TAB1: variants seen among roughly 807,000 people sequenced by gnomAD.
TAB1 encodes TGF-beta activated kinase 1 (MAP3K7) binding protein 1.
In TAB1, 30 loss-of-function variants were observed where a neutral mutation model predicts 54.5. The observed-to-expected ratio is 0.55, with a 90% confidence interval of 0.41 to 0.75. TAB1 has a LOEUF of 0.75. TAB1 is among the 30% of genes least tolerant of loss of function. TAB1 has a pLI of 0.00. For missense variants in TAB1, 609 were observed against 683.2 expected, an observed-to-expected ratio of 0.89 and a Z score of 1.21; for synonymous variants, 289 against 286.9, an observed-to-expected ratio of 1.01 and a Z score of -0.07.
At chr22:39,408,384 C>G (rs751889173) in intron 1 of TAB1, among the ~76,000 whole-genome samples, 3 of 152,236 alleles carry the variant, frequency 2.0e-5, no homozygotes, top group African/African-American at 7.2e-5. Context: ...TTGTGAAACG[C>G]TCTCAGATGA....
intron 1 of TAB1, among the ~76,000 whole-genome samples, chr22:39,404,006 C>G (rs1926259250): frequency 6.6e-6 from 1 of 152,104 alleles, no homozygotes; most frequent in Non-Finnish European, 1.5e-5. Context: ...TAAGAGACTC[C>G]TAGAGTCATC....
Position 39,416,781 on chromosome 22 carries a change from G to A in TAB1, c.325-10G>A, listed in dbSNP as rs376402719. 1.7e-4 allele frequency: 275 copies of A among 1,613,932 alleles called. No homozygotes were observed. The highest frequency in any genetic ancestry group is 2.1e-4 in the Non-Finnish European group (253 of 1,179,880). On this transcript the variant is annotated splice_polypyrimidine_tract_variant and intron_variant, in intron 3 of 10. Coordinates refer to ENST00000216160, the MANE Select transcript of TAB1 (RefSeq NM_006116.3). ...TGAACCAGCCTTTGCCCTGTCCTGTGTCCCCCTAGGCCTTCGATGTGGTGG... is the reference window on the plus strand; with the variant it reads ...TGAACCAGCCTTTGCCCTGTCCTGTATCCCCCTAGGCCTTCGATGTGGTGG...
rs374606866 is a variant in TAB1 at position 39,412,549 on chromosome 22, C to T, written c.34-2457C>T. 1.4e-4 allele frequency among the ~76,000 whole-genome samples: 22 copies of T among 152,216 alleles called. No individual in the cohort carries two copies. The East Asian group carries it at 3.9e-3, about 27-fold the overall frequency. ...TTAATGTAAAAATAAAACAAACTCC[C>T]ACACCCTGCAGAAGTTGCTCCAGGG... On this transcript the variant is annotated intron_variant, in intron 1 of 10. Transcript: ENST00000216160.
rs1202364652 is a variant in TAB1 at position 39,417,884 on chromosome 22, G to C, written c.550+35G>C. 1.9e-6 allele frequency: 3 copies of C among 1,572,406 alleles called. No homozygotes were observed. The Admixed American group carries it at 5.6e-5, about 29-fold the overall frequency. On this transcript the variant is annotated intron_variant, in intron 5 of 10. Coordinates refer to ENST00000216160, the MANE Select transcript of TAB1 (RefSeq NM_006116.3). ...CTCCTGTCCCAGGGCAGGGAGGACTGGGGAGAGGTCAGCCACAGGGGTCGG... is the reference window on the plus strand; with the variant it reads ...CTCCTGTCCCAGGGCAGGGAGGACTCGGGAGAGGTCAGCCACAGGGGTCGG...
chr22:39,436,638 C>T, downstream of TAB1: 1 of 1,286,510 alleles, frequency 7.8e-7, no homozygotes, highest in Non-Finnish European at 1.1e-6. Flanking sequence ...GTCGCCTGGT[C>T]TGACTTGTGC....
chr22:39,403,496 C>G (rs1569191821), intron 1 of TAB1, among the ~76,000 whole-genome samples: 1 of 152,124 alleles, frequency 6.6e-6, no homozygotes, highest in Non-Finnish European at 1.5e-5. Context: ...TAGCTGAGGT[C>G]TGAGGGAGCC....
chr22:39,402,924 G>T (rs34188085), intron 1 of TAB1, among the ~76,000 whole-genome samples: 8 of 152,360 alleles, frequency 5.3e-5, no homozygotes, highest in African/African-American at 1.9e-4. Flanking sequence ...AACAGTGTTA[G>T]TCTCATACTG....
rs543790341 is a variant in TAB1, at chr22:39,420,063, G to A, written c.776+433G>A. The stretch of plus-strand genomic sequence containing the variant: ...GATGGACAGACCAGGCCTGTTGGTC[G>A]GTGCTGCCCATGGCTGCAGCAGAGG... On this transcript the variant is annotated intron_variant, in intron 7 of 10. Coordinates refer to ENST00000216160, the MANE Select transcript of TAB1 (RefSeq NM_006116.3). 2.6e-5 allele frequency among the ~76,000 whole-genome samples: 4 copies of A among 152,310 alleles called. No individual in the cohort carries two copies. The East Asian group carries it at 5.8e-4, about 22-fold the overall frequency.
intron 1 of TAB1, among the ~76,000 whole-genome samples, chr22:39,412,892 C>CCTT (rs1555949271): frequency 3.3e-5 from 3 of 90,464 alleles, no homozygotes; most frequent in African/African-American, 1.3e-4. Flanking sequence ...TATCCTGCAA[C>CCTT]TTTTTTTTTT....
chr22:39,433,764 G>A (rs1191381030), downstream of TAB1: 118 of 985,350 alleles, frequency 1.2e-4, no homozygotes, highest in Non-Finnish European at 1.4e-4. Context: ...ACTCCAGGCT[G>A]CTCAGACATC....
Position 39,415,814 on chromosome 22 carries a change from CAG to C in TAB1, c.324+162_324+163del, listed in dbSNP as rs1272294236. On this transcript the variant is annotated intron_variant, in intron 3 of 10. Transcript: ENST00000216160. The surrounding 1 kb of genome is among the most constrained non-coding windows in gnomAD (Gnocchi z 4.9). ...TCCCAGCGTAGGCCCCCCCACCCAA[CAG>C]GAGTCCAGGACCAGCCAGCGAGCAG... Among the ~76,000 whole-genome samples the C allele has an allele frequency of 6.6e-6, 1 of 152,172 alleles. No homozygotes were observed. The highest frequency in any genetic ancestry group is 2.4e-5 in the African/African-American group (1 of 41,444).
chr22:39,431,996 G>A, downstream of TAB1: 1 of 543,438 alleles, frequency 1.8e-6, no homozygotes, highest in Non-Finnish European at 2.3e-6. Context: ...CTAAGTGGCA[G>A]GGCTGGGATT....
chr22:39,431,355 G>C lies in TAB1; in HGVS notation c.*1133G>C, dbSNP rs927808963. 9 of 985,420 alleles carry C rather than the reference G, an allele frequency of 9.1e-6. No homozygotes were observed. The African/African-American group carries it at 1.6e-4, about 17-fold the overall frequency. The allele number at this position is 985,420 out of a possible 1,614,324, so 61.0% of individuals were successfully genotyped here. ...CTGTTTCAGAGGAAGCAGGCCGAGA[G>C]ACTTGCACCTTGGCCAAGCCACACA... On this transcript the variant is annotated 3_prime_UTR_variant, in exon 11 of 11. Transcript: ENST00000216160.
intron 1 of TAB1, among the ~76,000 whole-genome samples, chr22:39,411,214 A>G (rs1029023132): frequency 1.1e-4 from 16 of 152,234 alleles, no homozygotes; most frequent in African/African-American, 3.4e-4. Flanking sequence ...TTTAGAAAAA[A>G]ACATAGGTGC....
chr22:39,423,438 C>G (rs1367023417), intron 8 of TAB1, among the ~76,000 whole-genome samples: 1 of 152,202 alleles, frequency 6.6e-6, no homozygotes, highest in Non-Finnish European at 1.5e-5. Context: ...AGCCCCGTCT[C>G]TACTAAAAAT....
intron 8 of TAB1, among the ~76,000 whole-genome samples, chr22:39,422,448 A>C (rs978861147): frequency 8.1e-6 from 1 of 123,220 alleles, no homozygotes; most frequent in African/African-American, 3.2e-5. Flanking sequence ...TCCCTCTGTC[A>C]CGCAGGCTAG....
chr22:39,417,692 C>A lies in TAB1; in HGVS notation c.412-19C>A. On this transcript the variant is annotated intron_variant, in intron 4 of 10. Transcript: ENST00000216160. The stretch of plus-strand genomic sequence containing the variant: ...GTCCAGAGTTCTGTCCTGCCCTGAC[C>A]CTCTGTTGATGGTTGTAGGGAGTCC... The A allele has an allele frequency of 6.3e-7, 1 of 1,593,498 alleles. No individual in the cohort carries two copies. Among genetic ancestry groups the A allele is most frequent in the Non-Finnish European group, 8.5e-7 (1 of 1,170,140 alleles).
At chr22:39,433,442 G>A, downstream of TAB1, 1 of 954,182 alleles carries the variant, frequency 1.0e-6, no homozygotes, top group Non-Finnish European at 1.2e-6. Context: ...GACAGAGCGA[G>A]ACCCTGTCTC....
In TAB1 at chr22:39,430,613, G is replaced by C; in HGVS notation, c.*391G>C. On this transcript the variant is annotated 3_prime_UTR_variant, in exon 11 of 11. Transcript: ENST00000216160. ...GGCCCAGCAGACCCTGCTGTCCCAA[G>C]CCCACCCCTCCTCCCACCATCACCT... The C allele has an allele frequency of 9.1e-7, 1 of 1,099,078 alleles. No homozygotes were observed. 68.1% of individuals were successfully genotyped at this position (1,099,078 alleles called of 1,614,324 possible).
Sources: allele counts gnomAD v4.1 joint callset (sites outside exome capture counted in the v4.1 genomes callset), GRCh38; gene constraint gnomAD v4.1.1; non-coding constraint Gnocchi (gnomAD v3.1); transcripts MANE v1.5; gene names NCBI Gene and HGNC (gene_info 2026-07-23, HGNC 2026-07-21).